The following MEF2A variants were observed in gnomAD, a reference collection of about 807,000 sequenced individuals.
MEF2A encodes the protein myocyte enhancer factor 2A.
MEF2A carries 28 observed loss-of-function variants against 55.8 expected under a neutral mutation model. That is an observed-to-expected ratio of 0.50 (90% CI 0.37 to 0.69). MEF2A has a LOEUF of 0.69. Among genes scored for constraint, MEF2A ranks in the 30% least tolerant of loss-of-function variants. The pLI is 0.00. For synonymous variants in MEF2A, 239 were observed against 227.1 expected (o/e 1.05, Z -0.47); for missense variants, 528 against 626.2 (o/e 0.84, Z 1.67).
chr15:99,631,289 G>T lies in MEF2A; in HGVS notation c.-142-1689G>T, dbSNP rs114811906. ...ATTAATATTTCTCTTGCCTACTACA[G>T]TACAAGTGTTTATATTGGGAATTGG... On this transcript the variant is annotated intron_variant, in intron 2 of 11. Transcript: ENST00000557942. Among the ~76,000 whole-genome samples the T allele has an allele frequency of 4.3e-3, 657 of 152,296 alleles. 4 individuals are homozygous for T. The highest frequency in any genetic ancestry group is 0.014 in the African/African-American group (598 of 41,568).
At chr15:99,625,786 T>C (rs1402136162) in intron 2 of MEF2A, among the ~76,000 whole-genome samples, 1 of 152,180 alleles carries the variant, frequency 6.6e-6, no homozygotes, top group Non-Finnish European at 1.5e-5. Flanking sequence ...TTGATTTTAG[T>C]ATGTTGAAAC....
chr15:99,578,180 A>G (rs1232097724), intron 1 of MEF2A, among the ~76,000 whole-genome samples: 1 of 152,208 alleles, frequency 6.6e-6, no homozygotes. Context: ...TATTAACCTC[A>G]TGGTGATTTT....
chr15:99,678,684 C>T (rs889322159), intron 7 of MEF2A: 9 of 984,434 alleles, frequency 9.1e-6, no homozygotes, highest in Non-Finnish European at 9.6e-6. Flanking sequence ...ATCCTTGAGA[C>T]TTTTAAAGCA....
At position 99,612,670 on chromosome 15, in the gene MEF2A, G is replaced by A. The variant is rs576781582; in HGVS notation, c.-143+14159G>A. 3.9e-5 allele frequency among the ~76,000 whole-genome samples: 6 copies of A among 152,184 alleles called. 1 individual carries two copies. Among genetic ancestry groups the A allele is most frequent in the South Asian group, 2.1e-4 (1 of 4,818 alleles). On this transcript the variant is annotated intron_variant, in intron 2 of 11. Coordinates refer to ENST00000557942, the MANE Select transcript of MEF2A (RefSeq NM_001319206.4). ...GGTTGAACTATGATTGTGCTACTGC[G>A]TTCCAATCTGGGTAACTGAGTGGAA...
At chr15:99,651,794 C>CT (rs1567329211) in intron 4 of MEF2A, among the ~76,000 whole-genome samples, 1 of 152,188 alleles carries the variant, frequency 6.6e-6, no homozygotes, top group Admixed American at 6.5e-5. Context: ...CTACACGTCT[C>CT]TAAGTGTGGT....
At chr15:99,591,534 G>T (rs1056536480) in intron 1 of MEF2A, among the ~76,000 whole-genome samples, 3 of 152,032 alleles carry the variant, frequency 2.0e-5, no homozygotes, top group Non-Finnish European at 4.4e-5. Flanking sequence ...CTTTATGTAT[G>T]TTGAGTTTCT....
chr15:99,652,121 T>C (rs924618769), intron 4 of MEF2A, among the ~76,000 whole-genome samples: 11 of 152,196 alleles, frequency 7.2e-5, no homozygotes, highest in Non-Finnish European at 1.5e-4. Context: ...ATAAAGTTGC[T>C]CTAGAGGTGA....
At chr15:99,573,297 A>C (rs1275238564) in intron 1 of MEF2A, among the ~76,000 whole-genome samples, 1 of 152,060 alleles carries the variant, frequency 6.6e-6, no homozygotes, top group East Asian at 1.9e-4. Flanking sequence ...AAAAAAAAAA[A>C]AAAAAAAAAA....
chr15:99,567,712 T>A (rs1257062502), intron 1 of MEF2A, among the ~76,000 whole-genome samples: 1 of 150,988 alleles, frequency 6.6e-6, no homozygotes, highest in Non-Finnish European at 1.5e-5. Flanking sequence ...AATTACAACT[T>A]TTGTTTTAGG....
At chr15:99,641,648 G>A (rs900198032) in intron 3 of MEF2A, among the ~76,000 whole-genome samples, 2 of 152,030 alleles carry the variant, frequency 1.3e-5, no homozygotes, top group African/African-American at 4.8e-5. Flanking sequence ...GCATGAACTC[G>A]GGAGGCGGAG....
At chr15:99,570,601 T>C (rs915607575) in intron 1 of MEF2A, among the ~76,000 whole-genome samples, 1 of 152,188 alleles carries the variant, frequency 6.6e-6, no homozygotes, top group Non-Finnish European at 1.5e-5. Flanking sequence ...AGGCATGATT[T>C]GTGACACTTG....
chr15:99,601,101 T>C (rs1216511394), intron 2 of MEF2A, among the ~76,000 whole-genome samples: 1 of 152,194 alleles, frequency 6.6e-6, no homozygotes, highest in Non-Finnish European at 1.5e-5. Flanking sequence ...AGTGCAGTGG[T>C]CTGACACATA....
chr15:99,709,753 A>G (rs1407734266), intron 10 of MEF2A, among the ~76,000 whole-genome samples: 1 of 152,168 alleles, frequency 6.6e-6, no homozygotes, highest in Non-Finnish European at 1.5e-5. Context: ...AACGTCCTAA[A>G]TCTTGGTCCC....
At chr15:99,646,103 C>G (rs191068577) in intron 4 of MEF2A, among the ~76,000 whole-genome samples, 40 of 152,166 alleles carry the variant, frequency 2.6e-4, no homozygotes, top group South Asian at 8.3e-4. Flanking sequence ...TTTGGTATGT[C>G]TTAATCATTT....
rs551118939 is a variant in MEF2A, at chr15:99,625,036, G to C, written c.-142-7942G>C. Among the ~76,000 whole-genome samples the C allele has an allele frequency of 3.3e-5, 5 of 152,274 alleles. No individual in the cohort carries two copies. The South Asian group carries it at 1.0e-3, about 32-fold the overall frequency. On this transcript the variant is annotated intron_variant, in intron 2 of 11. Transcript: ENST00000557942. ...TAGCTTTGTATTAGATGGTTTTGCT[G>C]AACTAGACTAATGTAAGTGTTCTGA...
At position 99,573,205 on chromosome 15, in the gene MEF2A, G is replaced by A. The variant is rs529454268; in HGVS notation, c.-225+7101G>A. 1.9e-4 allele frequency among the ~76,000 whole-genome samples: 29 copies of A among 151,208 alleles called. No individual in the cohort carries two copies. In the East Asian group the frequency reaches 5.1e-3, roughly 26 times the overall value. ...CGGGAGGCTGAGGCAGGAGAATGGC[G>A]TGAACCCTGGGAGGCGGAGCCTGCA... is the stretch of plus-strand genomic sequence containing the variant. On this transcript the variant is annotated intron_variant, in intron 1 of 11. Coordinates refer to ENST00000557942, the MANE Select transcript of MEF2A (RefSeq NM_001319206.4).
At chr15:99,660,751 T>TA (rs1387581459) in intron 4 of MEF2A, among the ~76,000 whole-genome samples, 1 of 152,248 alleles carries the variant, frequency 6.6e-6, no homozygotes, top group Non-Finnish European at 1.5e-5. Context: ...GATAATATAT[T>TA]ATGACTAAGT....
In MEF2A at chr15:99,690,232, TC is replaced by T. The variant is rs761293271; in HGVS notation, c.671-3del. On this transcript the variant is annotated splice_polypyrimidine_tract_variant and splice_region_variant and intron_variant, in intron 7 of 11. Coordinates refer to ENST00000557942, the MANE Select transcript of MEF2A (RefSeq NM_001319206.4). ...TTCTCACTTTATTGAATGATATTTT[TC>T]CCCCCAGGGAATGGATTTGTAAACT... The T allele has an allele frequency of 2.5e-6, 4 of 1,611,520 alleles. No individual in the cohort carries two copies. The highest frequency in any genetic ancestry group is 3.3e-5 in the Admixed American group (2 of 59,758).
intron 5 of MEF2A, among the ~76,000 whole-genome samples, chr15:99,672,192 A>G (rs997907308): frequency 2.0e-5 from 3 of 152,226 alleles, no homozygotes; most frequent in African/African-American, 7.2e-5. Flanking sequence ...ACTGCTTTGC[A>G]GTTTGTAAAT....
Sources: allele counts gnomAD v4.1 joint callset (sites outside exome capture counted in the v4.1 genomes callset), GRCh38; gene constraint gnomAD v4.1.1; transcripts MANE v1.5; gene names NCBI Gene and HGNC (gene_info 2026-07-23, HGNC 2026-07-21).